The following TTC27 variants were observed in gnomAD, a reference collection of about 807,000 sequenced individuals.
TTC27 encodes the protein tetratricopeptide repeat protein 27.
TTC27 carries 79 observed loss-of-function variants against 115.9 expected under a neutral mutation model. That is an observed-to-expected ratio of 0.68 (90% confidence interval 0.57 to 0.82). TTC27 has a LOEUF of 0.82. TTC27 is among the 40% of genes least tolerant of loss of function. TTC27 has a pLI of 0.00. For synonymous variants in TTC27, 401 were observed against 356.0 expected, an observed-to-expected ratio of 1.13 and a Z score of -1.42; for missense variants, 1,054 against 993.1, an observed-to-expected ratio of 1.06 and a Z score of -0.82.
At chr2:32,732,013 TGC>T (rs1668308347) in intron 10 of TTC27, among the ~76,000 whole-genome samples, 1 of 150,158 alleles carries the variant, frequency 6.7e-6, no homozygotes, top group Non-Finnish European at 1.5e-5. Context: ...TTTACAATGT[TGC>T]TTTTGTTTTT....
At chr2:32,787,237 G>A in intron 16 of TTC27, 88 bp downstream of exon 16, 1 of 1,440,322 alleles carries the variant, frequency 6.9e-7, no homozygotes, top group Non-Finnish European at 9.3e-7. Flanking sequence ...AATATGCACA[G>A]GAAAATTTTG....
chr2:32,734,986 G>C (rs1668404729), intron 11 of TTC27, among the ~76,000 whole-genome samples: 1 of 152,172 alleles, frequency 6.6e-6, no homozygotes, highest in Non-Finnish European at 1.5e-5. Flanking sequence ...GAGCCAGCCA[G>C]GGGATTACAG....
chr2:32,820,757 T>C (rs1671671781), intron 19 of TTC27, 59 bp from the exon 20 acceptor site: 2 of 1,452,200 alleles, frequency 1.4e-6, no homozygotes, highest in African/African-American at 2.8e-5. Flanking sequence ...TCTGTATCTA[T>C]TTTATTTTAA....
At chr2:32,646,958 GT>G (rs1220552424) in intron 4 of TTC27, among the ~76,000 whole-genome samples, 5 of 147,278 alleles carry the variant, frequency 3.4e-5, no homozygotes, top group African/African-American at 7.5e-5. Flanking sequence ...CATATTATAT[GT>G]TTTTTTTTGT....
intron 16 of TTC27, among the ~76,000 whole-genome samples, chr2:32,798,713 AAAT>A (rs200425222): frequency 2.5e-4 from 35 of 142,322 alleles, no homozygotes; most frequent in East Asian, 1.4e-3. Context: ...TCAAAAAAAA[AAAT>A]AATAATAATA....
intron 7 of TTC27, among the ~76,000 whole-genome samples, chr2:32,670,740 C>T (rs531188021): frequency 1.3e-5 from 2 of 152,230 alleles, no homozygotes; most frequent in South Asian, 4.1e-4. Flanking sequence ...GCCTCAGCCT[C>T]CCGAGTAGCT....
intron 3 of TTC27, among the ~76,000 whole-genome samples, chr2:32,637,617 C>T (rs1315160573): frequency 6.6e-6 from 1 of 152,200 alleles, no homozygotes; most frequent in Non-Finnish European, 1.5e-5. Context: ...AGGTGTGAGC[C>T]ACCGGGCCTG....
chr2:32,635,511 T>A (rs751756775), intron 3 of TTC27, among the ~76,000 whole-genome samples: 9 of 151,810 alleles, frequency 5.9e-5, no homozygotes, highest in Admixed American at 5.3e-4. Flanking sequence ...ATGGTGAAAC[T>A]CCGTCTTACT....
At chr2:32,657,344 ACTGT>A (rs955818284) in intron 5 of TTC27, among the ~76,000 whole-genome samples, 3 of 145,750 alleles carry the variant, frequency 2.1e-5, no homozygotes, top group African/African-American at 7.6e-5. Flanking sequence ...GTAGAAAAAC[ACTGT>A]CTTTCTTTTT....
intron 3 of TTC27, among the ~76,000 whole-genome samples, chr2:32,639,078 C>T (rs540186325): frequency 1.6e-4 from 24 of 152,164 alleles, no homozygotes; most frequent in Admixed American, 9.8e-4. Context: ...GTGATCCGCC[C>T]GCCTTGGCCT....
intron 3 of TTC27, among the ~76,000 whole-genome samples, chr2:32,638,632 C>G (rs1052615438): frequency 2.6e-5 from 4 of 152,166 alleles, no homozygotes; most frequent in Non-Finnish European, 4.4e-5. Flanking sequence ...ACCCGCGTGG[C>G]CTTCCAGAGT....
chr2:32,771,764 T>C (rs569154281), intron 13 of TTC27, among the ~76,000 whole-genome samples: 7 of 152,292 alleles, frequency 4.6e-5, no homozygotes, highest in African/African-American at 1.4e-4. Flanking sequence ...AAAGCTACTA[T>C]CAGACACCAT....
rs1320610901 is a variant in TTC27 at position 32,751,249 on chromosome 2, T to G, written c.1453-7043T>G. Among the ~76,000 whole-genome samples, 7 of 141,780 alleles carry G rather than the reference T, an allele frequency of 4.9e-5. No homozygotes were observed. In the East Asian group the frequency reaches 8.3e-4, roughly 17 times the overall value. The allele number at this position is 141,780 out of a possible 152,430, so 93.0% of individuals were successfully genotyped here. On this transcript the variant is annotated intron_variant, in intron 12 of 19. Coordinates refer to ENST00000317907, the MANE Select transcript of TTC27 (RefSeq NM_017735.5). ...TTTTGTTCTGCTCAGTTTAAATGGG[T>G]AGGTTAAACCACACACACACACACA...
At chr2:32,639,049 G>A (rs1041882560) in intron 3 of TTC27, among the ~76,000 whole-genome samples, 1 of 151,654 alleles carries the variant, frequency 6.6e-6, no homozygotes, top group East Asian at 2.0e-4. Flanking sequence ...AGCCAGGATG[G>A]TCTTGATCTC....
intron 5 of TTC27, among the ~76,000 whole-genome samples, chr2:32,657,429 C>A (rs1665370867): frequency 6.7e-6 from 1 of 150,236 alleles, no homozygotes; most frequent in African/African-American, 2.5e-5. Context: ...TCTTGGCTCA[C>A]TGCAAGCTCC....
Position 32,792,481 on chromosome 2 carries a change from T to C in TTC27, c.1998+5332T>C, listed in dbSNP as rs1290521422. Among the ~76,000 whole-genome samples the C allele has an allele frequency of 5.3e-5, 8 of 150,696 alleles. No individual in the cohort carries two copies. The South Asian group carries it at 8.4e-4, about 16-fold the overall frequency. ...CCCTTTCCACAGTCTAAGAACTGTT[T>C]TTTGTTTTGTTTTTTGGTTTTTTTT... On this transcript the variant is annotated intron_variant, in intron 16 of 19. Coordinates refer to ENST00000317907, the MANE Select transcript of TTC27 (RefSeq NM_017735.5).
At chr2:32,788,047 A>G (rs533155998) in intron 16 of TTC27, among the ~76,000 whole-genome samples, 16 of 152,192 alleles carry the variant, frequency 1.1e-4, no homozygotes, top group Non-Finnish European at 2.1e-4. Context: ...AACAGATCTC[A>G]GTATATTGTG....
intron 12 of TTC27, among the ~76,000 whole-genome samples, chr2:32,746,611 A>G (rs1365632463): frequency 6.7e-6 from 1 of 149,892 alleles, no homozygotes; most frequent in East Asian, 2.0e-4. Context: ...TCCCATGGGG[A>G]AATAGTAACC....
intron 5 of TTC27, among the ~76,000 whole-genome samples, chr2:32,654,116 C>T (rs1665233390): frequency 6.6e-6 from 1 of 152,154 alleles, no homozygotes; most frequent in African/African-American, 2.4e-5. Flanking sequence ...CTAGTTAAAT[C>T]ATTTTACGAA....
Sources: allele counts gnomAD v4.1 joint callset (sites outside exome capture counted in the v4.1 genomes callset), GRCh38; gene constraint gnomAD v4.1.1; transcripts MANE v1.5; gene names NCBI Gene and HGNC (gene_info 2026-07-23, HGNC 2026-07-21).